Variants in LDB1 observed in about 807,000 individuals in gnomAD.
LDB1 encodes LIM domain-binding protein 1.
In LDB1, 6 loss-of-function variants were observed where a neutral mutation model predicts 49.7. That is an observed-to-expected ratio of 0.12 (90% CI 0.07 to 0.24). The LOEUF is 0.24. Among genes scored for constraint, LDB1 ranks in the 10% least tolerant of loss-of-function variants. The probability of loss-of-function intolerance (pLI) is 1.00; values close to 1 mark genes in which losing one functional copy is unlikely to be tolerated. For synonymous variants in LDB1, 233 were observed against 202.0 expected (o/e 1.15, Z -1.30); for missense variants, 341 against 561.7 (o/e 0.61, Z 3.97).
At chr10:102,119,624 T>A (rs1171440171) in intron 1 of LDB1, among the ~76,000 whole-genome samples, 1 of 150,542 alleles carries the variant, frequency 6.6e-6, no homozygotes, top group Non-Finnish European at 1.5e-5. Flanking sequence ...AATCAATACC[T>A]CCCTGCAAAC....
intron 1 of LDB1, chr10:102,114,575 C>G: frequency 1.0e-6 from 1 of 985,638 alleles, no homozygotes; most frequent in Non-Finnish European, 1.2e-6. Context: ...AAGACTCGCA[C>G]GCACTGCCTC....
intron 1 of LDB1, among the ~76,000 whole-genome samples, chr10:102,112,683 G>A (rs1465568339): frequency 6.6e-6 from 1 of 151,476 alleles, no homozygotes; most frequent in Non-Finnish European, 1.5e-5. Flanking sequence ...AGACTTGGGA[G>A]TCGGGGAAGC....
In LDB1 at chr10:102,120,227, CCGGCCCGGCCT is replaced by C; in HGVS notation, c.-128_-118del. On this transcript the variant is annotated 5_prime_UTR_variant, in exon 1 of 11. Coordinates refer to ENST00000673968, the MANE Select transcript of LDB1 (RefSeq NM_001113407.3). ...GGCCCCCGCTGCGCTCGCCGCCGGC[CCGGCCCGGCCT>C]CGGCCCGGTGCGGGCGGCCCCTGGC... The C allele has an allele frequency of 3.0e-6, 3 of 984,900 alleles. No individual in the cohort carries two copies. The highest frequency in any genetic ancestry group is 1.1e-4 in the East Asian group (1 of 8,794). 61.0% of individuals were successfully genotyped at this position (984,900 alleles called of 1,614,324 possible). A position where few individuals can be genotyped will look rare whatever the true frequency, so the allele number is the denominator to read the frequency against.
chr10:102,109,150 T>C lies in LDB1; in HGVS notation c.884A>G (p.Lys295Arg). 4.3e-6 allele frequency: 7 copies of C among 1,613,968 alleles called. No homozygotes were observed. Among genetic ancestry groups the C allele is most frequent in the African/African-American group, 1.3e-5 (1 of 75,032 alleles). Residue 295 changes from lysine to arginine, a missense_variant, in exon 10 of 11, where the codon AAA becomes AGA. Physicochemically the swap from Lys to Arg is conservative, Grantham distance 26. Coordinates refer to ENST00000673968, the MANE Select transcript of LDB1 (RefSeq NM_001113407.3). The surrounding 1 kb of genome is among the most constrained non-coding windows in gnomAD (Gnocchi z 5.8). The part of the protein sequence containing the change: ...PAEPTRQQPS[K>R]RRKRKMSGGS... The stretch of plus-strand genomic sequence containing the variant: ...CCCTGACATCTTCCGTTTCCGCCGT[T>C]TGCTGGGCTGCTGACGTGTGGGCTC...
At chr10:102,105,799 T>TAAAAAAAA (rs1158468815), downstream of LDB1, among the ~76,000 whole-genome samples, 2 of 100,958 alleles carry the variant, frequency 2.0e-5, no homozygotes, top group Non-Finnish European at 2.1e-5. Context: ...CTATCTCTAC[T>TAAAAAAAA]AAAAAAAAAA....
rs746934639 is a variant in LDB1 at position 102,110,613 on chromosome 10, C to T, written c.441G>A (p.Lys147=). 6 of 1,613,896 alleles carry T rather than the reference C, an allele frequency of 3.7e-6. No individual in the cohort carries two copies. The highest frequency in any genetic ancestry group is 2.2e-5 in the East Asian group (1 of 44,894). The change falls in exon 6 of 11, where the codon AAG becomes AAA. Residue 147 remains lysine (K), a synonymous_variant. Transcript: ENST00000673968. Reference sequence around the variant, plus strand: ...ACACAAAGTTGCTGTGGAATGCCTCCTTGGGGTGCTTAAGAACATAGTACA... The same window carrying T: ...ACACAAAGTTGCTGTGGAATGCCTCTTTGGGGTGCTTAAGAACATAGTACA... ...TELYYVLKHP[K]EAFHSNFVSL... is the part of the protein sequence containing the mutation.
chr10:102,121,139 C>G (rs2068414831), upstream of LDB1, among the ~76,000 whole-genome samples: 1 of 152,114 alleles, frequency 6.6e-6, no homozygotes, highest in Non-Finnish European at 1.5e-5. Flanking sequence ...CTGTGTTTTG[C>G]TGGGGGGAGG....
downstream of LDB1, among the ~76,000 whole-genome samples, chr10:102,105,121 T>G (rs2068145589): frequency 6.6e-6 from 1 of 151,926 alleles, no homozygotes; most frequent in African/African-American, 2.4e-5. Context: ...ACACACACAC[T>G]CAGGCTAATG....
chr10:102,108,806 GT>G (rs1420924592), intron 10 of LDB1, among the ~76,000 whole-genome samples: 1 of 152,162 alleles, frequency 6.6e-6, no homozygotes, highest in Non-Finnish European at 1.5e-5. Flanking sequence ...GGGTGTCTCT[GT>G]CCCTTTATGC....
Position 102,111,464 on chromosome 10 carries a change from T to G in LDB1, c.98A>C (p.His33Pro). Residue 33 changes from histidine to proline, a missense_variant, in exon 2 of 11, where the codon CAT (histidine) becomes CCT (proline). Physicochemically the swap from His to Pro is moderately conservative, Grantham distance 77. Transcript: ENST00000673968. Reference sequence around the variant, plus strand: ...ATCCCTATCCAGCATGGTGCCGGGATGGAAGGGGGGAAAGGCGTTGCCGTT... The same window carrying G: ...ATCCCTATCCAGCATGGTGCCGGGAGGGAAGGGGGGAAAGGCGTTGCCGTT... ...PPNGNAFPPFHPGTMLDRDVG... is the reference protein window; with the variant it reads ...PPNGNAFPPFPPGTMLDRDVG... 6.4e-7 allele frequency: 1 copy of G among 1,568,922 alleles called. No individual in the cohort carries two copies. The highest frequency in any genetic ancestry group is 8.7e-7 in the Non-Finnish European group (1 of 1,155,918).
intron 1 of LDB1, among the ~76,000 whole-genome samples, chr10:102,111,935 A>C (rs573848167): frequency 9.9e-5 from 15 of 152,124 alleles, no homozygotes; most frequent in African/African-American, 3.4e-4. Context: ...GGTCTTATGG[A>C]GCTCCCTGGC....
In LDB1 at chr10:102,109,877, C is replaced by T. The variant is rs370184502; in HGVS notation, c.648+44G>A. ...GGCAGACCTTGTTCCACCCTTCCCC[C>T]GCCTGCCTTCACTCTTGCATCCTGG... On this transcript the variant is annotated intron_variant, in intron 7 of 10. Coordinates refer to ENST00000673968, the MANE Select transcript of LDB1 (RefSeq NM_001113407.3). This position sits in a 1 kb window ranked among gnomAD's most constrained non-coding sequence, Gnocchi z 5.8. The T allele has an allele frequency of 6.0e-5, 96 of 1,593,688 alleles. 1 individual carries two copies. The highest frequency in any genetic ancestry group is 5.9e-4 in the African/African-American group (44 of 74,712).
upstream of LDB1, chr10:102,120,407 C>G (rs2068403108): frequency 1.0e-6 from 1 of 982,534 alleles, no homozygotes; most frequent in Non-Finnish European, 1.2e-6. Flanking sequence ...GTGTGCGTGT[C>G]TGTGCGCTCC....
chr10:102,109,159 T>A lies in LDB1; in HGVS notation c.875A>T (p.Gln292Leu), dbSNP rs749220036. The change falls in exon 10 of 11, where the codon CAG (glutamine) becomes CTG (leucine). Residue 292 changes from glutamine (Q) to leucine (L), a missense_variant. By Grantham distance (113) the Gln-to-Leu change is moderately radical (BLOSUM62 -2). Transcript: ENST00000673968. This position sits in a 1 kb window ranked among gnomAD's most constrained non-coding sequence, Gnocchi z 5.8. ...VAPPAEPTRQ[Q>L]PSKRRKRKMS... ...CTTCCGTTTCCGCCGTTTGCTGGGC[T>A]GCTGACGTGTGGGCTCCGCTGTGCC... 5 of 1,613,730 alleles carry A rather than the reference T, an allele frequency of 3.1e-6. No individual in the cohort carries two copies. In the Admixed American group the frequency reaches 6.7e-5, roughly 22 times the overall value.
intron 1 of LDB1, chr10:102,114,811 A>G (rs1443543478): frequency 1.1e-4 from 96 of 882,922 alleles, no homozygotes; most frequent in Middle Eastern, 5.9e-4. Flanking sequence ...GCCTCCGAGC[A>G]GCCCGCCCGC....
At chr10:102,103,807 C>T (rs1051023310), downstream of LDB1, among the ~76,000 whole-genome samples, 1 of 151,922 alleles carries the variant, frequency 6.6e-6, no homozygotes, top group Non-Finnish European at 1.5e-5. Flanking sequence ...GAACAAGATT[C>T]CATCTCTTAA....
Position 102,120,180 on chromosome 10 carries a change from A to C in LDB1, c.-70T>G. The C allele has an allele frequency of 8.6e-7, 1 of 1,160,342 alleles. No homozygotes were observed. Among genetic ancestry groups the C allele is most frequent in the Non-Finnish European group, 1.1e-6 (1 of 940,260 alleles). The allele number at this position is 1,160,342 out of a possible 1,614,324, so 71.9% of individuals were successfully genotyped here. On this transcript the variant is annotated 5_prime_UTR_variant, in exon 1 of 11. The change abolishes an upstream ATG in the 5' untranslated region. Transcript: ENST00000673968. The stretch of plus-strand genomic sequence containing the variant: ...CGCCCCTCGCGGGGACAGGCCGGGC[A>C]TGAGCCGCCGCCGCCGCCCGCGGCC...
At chr10:102,114,456 C>A in intron 1 of LDB1, 1 of 986,412 alleles carries the variant, frequency 1.0e-6, no homozygotes, top group Non-Finnish European at 1.2e-6. Flanking sequence ...ACTGCAAGCC[C>A]AGAGGAGTCC....
chr10:102,111,744 G>A (rs939926543), intron 1 of LDB1, among the ~76,000 whole-genome samples: 2 of 152,114 alleles, frequency 1.3e-5, no homozygotes, highest in Non-Finnish European at 1.5e-5. Flanking sequence ...CCAGCTACTT[G>A]GGAGGCTGAG....
Sources: gnomAD v4.1 joint callset for allele counts (sites outside exome capture counted in the v4.1 genomes callset) on GRCh38, gnomAD v4.1.1 for gene constraint, Gnocchi (gnomAD v3.1) non-coding constraint, MANE v1.5 for transcripts, NCBI Gene and HGNC (gene_info 2026-07-23, HGNC 2026-07-21) for gene names.